Variants in EMSY observed in about 807,000 individuals in gnomAD.
EMSY encodes the protein EMSY transcriptional repressor, BRCA2 interacting, also known as BRCA2-interacting transcriptional repressor EMSY.
Under a neutral mutation model 134.6 loss-of-function variants are expected in EMSY, and 26 were observed. The observed-to-expected ratio is 0.19, with a 90% CI of 0.14 to 0.27. The LOEUF (loss-of-function observed/expected upper bound fraction) is 0.27. EMSY is among the 10% of genes least tolerant of loss of function. The probability of loss-of-function intolerance (pLI) is 1.00; values close to 1 mark genes in which losing one functional copy is unlikely to be tolerated. For missense variants in EMSY, 1,305 were observed against 1,611.4 expected (o/e 0.81, Z 3.26); for synonymous variants, 579 against 577.8 (o/e 1.00, Z -0.03).
At position 76,495,398 on chromosome 11, in the gene EMSY, ATTAAC is replaced by A. The variant is rs1949613812; in HGVS notation, c.1109-813_1109-809del. Among the ~76,000 whole-genome samples the A allele has an allele frequency of 2.6e-5, 4 of 152,354 alleles. No homozygotes were observed. The East Asian group carries it at 7.7e-4, about 29-fold the overall frequency. ...ATTCCAGGTTCTCTCAGTTAGGAATATTAACTTATTGATAGATAATAGTCCTTTTA... is the reference window on the plus strand; with the variant it reads ...ATTCCAGGTTCTCTCAGTTAGGAATATTATTGATAGATAATAGTCCTTTTA... On this transcript the variant is annotated intron_variant, in intron 8 of 20. Coordinates refer to ENST00000334736, the Ensembl canonical transcript of EMSY.
At chr11:76,545,565 C>T (rs943503660) in intron 19 of EMSY, among the ~76,000 whole-genome samples, 1 of 152,134 alleles carries the variant, frequency 6.6e-6, no homozygotes, top group Non-Finnish European at 1.5e-5. Flanking sequence ...TTCTTTATTG[C>T]TATAAACCTT....
At chr11:76,507,717 C>T (rs1361298081) in intron 9 of EMSY, among the ~76,000 whole-genome samples, 1 of 152,080 alleles carries the variant, frequency 6.6e-6, no homozygotes, top group African/African-American at 2.4e-5. Flanking sequence ...ATATTTTGAC[C>T]TCCTCCCATG....
At chr11:76,487,957 A>G (rs1949256932) in intron 8 of EMSY, among the ~76,000 whole-genome samples, 1 of 152,212 alleles carries the variant, frequency 6.6e-6, no homozygotes, top group African/African-American at 2.4e-5. Context: ...TGTTTTTAAC[A>G]TTTATGCATT....
intron 3 of EMSY, 91 bp from the exon 4 acceptor site, chr11:76,453,223 T>TC: frequency 8.7e-7 from 1 of 1,155,784 alleles, no homozygotes. Context: ...GTCCCCCTTC[T>TC]CCCCCCAAAA....
At chr11:76,487,974 C>T (rs1341528322) in intron 8 of EMSY, among the ~76,000 whole-genome samples, 2 of 152,178 alleles carry the variant, frequency 1.3e-5, no homozygotes, top group Non-Finnish European at 2.9e-5. Context: ...CATTATCTTT[C>T]CCCTTCACTT....
At chr11:76,501,252 A>G (rs553426194) in intron 9 of EMSY, among the ~76,000 whole-genome samples, 17 of 152,286 alleles carry the variant, frequency 1.1e-4, no homozygotes, top group African/African-American at 3.8e-4. Context: ...AAAATGTCTA[A>G]TTTCTAACAA....
At chr11:76,475,181 C>G (rs949790463) in intron 8 of EMSY, among the ~76,000 whole-genome samples, 2 of 152,196 alleles carry the variant, frequency 1.3e-5, no homozygotes, top group African/African-American at 4.8e-5. Flanking sequence ...CCTGACTCCT[C>G]ACTCGACTGA....
In EMSY at chr11:76,541,678, G is replaced by C. The variant is rs574213587; in HGVS notation, c.2558-538G>C. Among the ~76,000 whole-genome samples the C allele has an allele frequency of 2.6e-5, 4 of 152,334 alleles. No individual in the cohort carries two copies. The East Asian group carries it at 7.7e-4, about 29-fold the overall frequency. On this transcript the variant is annotated intron_variant, in intron 17 of 20. Coordinates refer to ENST00000334736, the Ensembl canonical transcript of EMSY. ...TTCTGCATTATCACCCAGACCTTTA[G>C]ATTTTTAGGAACTGTAAGGTTGTGA...
At chr11:76,511,805 G>C (rs1950287837) in intron 9 of EMSY, among the ~76,000 whole-genome samples, 1 of 151,942 alleles carries the variant, frequency 6.6e-6, no homozygotes, top group Non-Finnish European at 1.5e-5. Flanking sequence ...ATTATAATCA[G>C]AATCTTAAAA....
chr11:76,514,911 G>A (rs539716188), intron 10 of EMSY, among the ~76,000 whole-genome samples: 1 of 152,106 alleles, frequency 6.6e-6, no homozygotes, highest in South Asian at 2.1e-4. Flanking sequence ...TTCATGTTAT[G>A]GAAAAGTAGT....
chr11:76,452,847 T>C (rs927283723), intron 3 of EMSY, among the ~76,000 whole-genome samples: 1 of 152,176 alleles, frequency 6.6e-6, no homozygotes, highest in African/African-American at 2.4e-5. Context: ...ATCTTGCCAC[T>C]CCATTTGTTT....
intron 11 of EMSY, among the ~76,000 whole-genome samples, chr11:76,519,225 C>T (rs773532931): frequency 5.3e-5 from 8 of 151,782 alleles, no homozygotes; most frequent in Non-Finnish European, 1.0e-4. Flanking sequence ...CCACCACGCT[C>T]GGCTAATTTT....
intron 11 of EMSY, among the ~76,000 whole-genome samples, chr11:76,521,987 C>T (rs899410814): frequency 3.3e-5 from 5 of 151,820 alleles, no homozygotes; most frequent in Non-Finnish European, 7.4e-5. Context: ...TTGCTCCACT[C>T]CACTCCCGTC....
Position 76,546,002 on chromosome 11 carries a change from A to G in EMSY, c.3479A>G (p.Asp1160Gly), listed in dbSNP as rs1951633379. 3 of 1,614,056 alleles carry G rather than the reference A, an allele frequency of 1.9e-6. No homozygotes were observed. The African/African-American group carries it at 4.0e-5, about 22-fold the overall frequency. ...ATGTCTTTGATGGAAGCTCAGATTG[A>G]TACAAATGTAGAACATATGATAGTG... Residue 1160 changes from aspartate to glycine, a missense_variant, in exon 20 of 21, where the codon GAT becomes GGT. Asp to Gly is a moderately conservative substitution (Grantham distance 94, BLOSUM62 -1). This residue lies in a region of EMSY where 664 missense variants were observed against 763.9 expected (regional missense o/e 0.87). Transcript: ENST00000334736.
intron 1 of EMSY, among the ~76,000 whole-genome samples, 168 bp downstream of exon 1, chr11:76,445,296 G>C (rs1014571884): frequency 6.6e-6 from 1 of 152,180 alleles, no homozygotes; most frequent in Admixed American, 6.5e-5. Flanking sequence ...GACTCTGGCT[G>C]GCCTGGTGCT....
chr11:76,473,594 C>G (rs1033896870), intron 8 of EMSY, among the ~76,000 whole-genome samples: 1 of 152,082 alleles, frequency 6.6e-6, no homozygotes, highest in Non-Finnish European at 1.5e-5. Context: ...CAGGCACGAG[C>G]CACTGTGCTC....
exon 2 of EMSY, chr11:76,446,950 G>A (rs1187961276): frequency 6.2e-7 from 1 of 1,613,312 alleles, no homozygotes; most frequent in Non-Finnish European, 8.5e-7. Context: ...TGCCTGTTGT[G>A]TGGCCAACCC....
intron 14 of EMSY, 131 bp downstream of exon 15, chr11:76,528,597 T>TA: frequency 1.5e-6 from 1 of 649,008 alleles, no homozygotes; most frequent in Non-Finnish European, 2.5e-6. Flanking sequence ...TTTTTTTTTT[T>TA]TTTTTTATTG....
intron 1 of EMSY, among the ~76,000 whole-genome samples, chr11:76,446,319 G>GGGTATATATATATGTATATATATA (rs1947392214): frequency 8.7e-6 from 1 of 114,324 alleles, no homozygotes; most frequent in South Asian, 3.0e-4. Context: ...ATATGTGTGT[G>GGGTATATATATATGTATATATATA]TGTGTATATA....
Sources: gnomAD v4.1 joint callset for allele counts (sites outside exome capture counted in the v4.1 genomes callset) on GRCh38, gnomAD v4.1.1 for gene constraint, gnomAD v4.1.1 regional missense constraint, MANE v1.5 for transcripts, NCBI Gene and HGNC (gene_info 2026-07-23, HGNC 2026-07-21) for gene names.